Variants in UTP20 observed in about 807,000 individuals in gnomAD.
UTP20 encodes small subunit processome component 20 homolog.
A neutral mutation model predicts 329.5 loss-of-function variants in UTP20; 164 were observed. The ratio of observed to expected loss-of-function variants is 0.50; its 90% CI spans 0.44 to 0.57. The LOEUF (loss-of-function observed/expected upper bound fraction) is 0.57, where lower values mean the gene tolerates loss of function less well. Among genes scored for constraint, UTP20 ranks in the 20% least tolerant of loss-of-function variants. UTP20 has a pLI of 0.00. For synonymous variants in UTP20, 1,151 were observed against 1,159.3 expected, an observed-to-expected ratio of 0.99 and a Z score of 0.14; for missense variants, 3,055 against 3,284.2, an observed-to-expected ratio of 0.93 and a Z score of 1.71.
intron 43 of UTP20, among the ~76,000 whole-genome samples, chr12:101,360,725 AGGCTG>A (rs1425418788): frequency 6.6e-6 from 1 of 152,176 alleles, no homozygotes; most frequent in Non-Finnish European, 1.5e-5. Flanking sequence ...GCTACTCGGG[AGGCTG>A]AGGCATAAGA....
At chr12:101,355,566 G>A (rs1302168056) in intron 41 of UTP20, among the ~76,000 whole-genome samples, 2 of 152,086 alleles carry the variant, frequency 1.3e-5, no homozygotes, top group East Asian at 3.9e-4. Flanking sequence ...TATGGCTCAG[G>A]GACTAAATCT....
At position 101,354,788 on chromosome 12, in the gene UTP20, T is replaced by G; in HGVS notation, c.5108-44T>G. On this transcript the variant is annotated intron_variant, in intron 40 of 61. Transcript: ENST00000261637. ...AACTGCTTACCACAACTGTGTGGTT[T>G]CATTATTTGCTTTAAGGTGACTTTT... 12 of 1,577,622 alleles carry G rather than the reference T, an allele frequency of 7.6e-6. No individual in the cohort carries two copies. The South Asian group carries it at 1.4e-4, about 19-fold the overall frequency.
intron 10 of UTP20, 73 bp downstream of exon 10, chr12:101,292,177 C>T: frequency 1.3e-6 from 2 of 1,495,584 alleles, no homozygotes; most frequent in Non-Finnish European, 1.8e-6. Flanking sequence ...CTGAGGAATA[C>T]AAGTGAAGTG....
At chr12:101,374,092 G>A (rs528495822) in intron 54 of UTP20, among the ~76,000 whole-genome samples, 8 of 151,554 alleles carry the variant, frequency 5.3e-5, no homozygotes, top group South Asian at 4.2e-4. Flanking sequence ...AAAATTAGCC[G>A]GGCGTAGTGG....
In UTP20 at chr12:101,370,501, GCCTATGCT is replaced by G; in HGVS notation, c.6626_6633del (p.Ala2209GlyfsTer6). The stretch of plus-strand genomic sequence containing the variant: ...TGAAAAACAGCTCCAAGTTCTACTG[GCCTATGCT>G]GAGGAGGACATTTATGATACTTCAA... On this transcript the variant is annotated frameshift_variant, in exon 50 of 62. Coordinates refer to ENST00000261637, the MANE Select transcript of UTP20 (RefSeq NM_014503.3). LOFTEE classifies it high-confidence loss of function. The G allele has an allele frequency of 6.2e-7, 1 of 1,614,058 alleles. No homozygotes were observed. Among genetic ancestry groups the G allele is most frequent in the East Asian group, 2.2e-5 (1 of 44,888 alleles).
In UTP20 at chr12:101,372,724, G is replaced by A. The variant is rs1050941288; in HGVS notation, c.6799-160G>A. On this transcript the variant is annotated intron_variant, in intron 51 of 61. Transcript: ENST00000261637. ...GAAATGAAGGGTCACAGTTGCTATT[G>A]ACTTCATAGGCAGATTTAGCTGGAG... Among the ~76,000 whole-genome samples, 7 of 152,350 alleles carry A rather than the reference G, an allele frequency of 4.6e-5. No individual in the cohort carries two copies. The South Asian group carries it at 1.5e-3, about 32-fold the overall frequency.
In UTP20 at chr12:101,342,566, A is replaced by C; in HGVS notation, c.4222A>C (p.Lys1408Gln). Residue 1408 changes from lysine to glutamine, a missense_variant, in exon 33 of 62, where the codon AAA becomes CAA. Lys to Gln is a moderately conservative substitution (Grantham distance 53). Around this residue, in one of 3 missense-constraint regions of UTP20, gnomAD observed 2,445 missense variants for 2,575.5 expected, o/e 0.95. Coordinates refer to ENST00000261637, the MANE Select transcript of UTP20 (RefSeq NM_014503.3). ...FSVIKNKLSR[K>Q]LLCTVFETLS... ...AGTTATTAAGAACAAATTGTCAAGA[A>C]AATTGCTTTGTACGGTTTTTGAGGT... is the stretch of plus-strand genomic sequence containing the variant. 6.2e-7 allele frequency: 1 copy of C among 1,612,858 alleles called. No individual in the cohort carries two copies. Among genetic ancestry groups the C allele is most frequent in the South Asian group, 1.1e-5 (1 of 90,732 alleles).
chr12:101,342,961 A>G lies in UTP20; in HGVS notation c.4317A>G (p.Arg1439=). 1 of 1,613,460 alleles carries G rather than the reference A, an allele frequency of 6.2e-7. No individual in the cohort carries two copies. Among genetic ancestry groups the G allele is most frequent in the Admixed American group, 1.7e-5 (1 of 59,910 alleles). Residue 1439 remains arginine, a synonymous_variant, in exon 35 of 62, where the codon AGA becomes AGG. Coordinates refer to ENST00000261637, the MANE Select transcript of UTP20 (RefSeq NM_014503.3). ...DVVKLNAFDQ[R]HLDDINFDVR... Reference sequence around the variant, plus strand: ...TATAGCTTAACGCCTTCGATCAAAGACATCTTGATGATATCAACTTCGACG... The same window carrying G: ...TATAGCTTAACGCCTTCGATCAAAGGCATCTTGATGATATCAACTTCGACG...
At chr12:101,285,672 A>G in intron 3 of UTP20, 36 bp downstream of exon 3, 1 of 1,613,678 alleles carries the variant, frequency 6.2e-7, no homozygotes, top group African/African-American at 1.3e-5. Context: ...ATTCACCCAT[A>G]GTTTGCACTT....
chr12:101,378,002 G>C (rs1870531205), intron 56 of UTP20, among the ~76,000 whole-genome samples: 1 of 151,814 alleles, frequency 6.6e-6, no homozygotes, highest in African/African-American at 2.4e-5. Context: ...CTTGCAGATT[G>C]CTTAAGCTCA....
intron 8 of UTP20, 198 bp from the exon 9 acceptor site, chr12:101,291,540 CAAAA>C (rs34248827): frequency 1.4e-3 from 110 of 77,132 alleles, no homozygotes; most frequent in Middle Eastern, 8.4e-3. Context: ...AACTCCATCT[CAAAA>C]AAAAAAAAAA....
At chr12:101,291,030 C>T (rs1311467699) in intron 8 of UTP20, 142 bp downstream of exon 8, 5 of 803,552 alleles carry the variant, frequency 6.2e-6, no homozygotes, top group Non-Finnish European at 8.8e-6. Context: ...TAAAATTTTC[C>T]TTCCCTCTGC....
rs773309905 is a variant in UTP20, at chr12:101,383,324, T to G, written c.7929+11T>G. On this transcript the variant is annotated intron_variant, in intron 59 of 61. Transcript: ENST00000261637. ...AGAAACCCCTTAAAGGTGCGATGAATGCACAGAATGACTGACAGTAGTCAT... is the reference window on the plus strand; with the variant it reads ...AGAAACCCCTTAAAGGTGCGATGAAGGCACAGAATGACTGACAGTAGTCAT... 1.2e-6 allele frequency: 2 copies of G among 1,608,850 alleles called. No individual in the cohort carries two copies. The highest frequency in any genetic ancestry group is 1.7e-6 in the Non-Finnish European group (2 of 1,177,024).
At chr12:101,325,207 T>C (rs1328217224) in intron 25 of UTP20, among the ~76,000 whole-genome samples, 1 of 152,204 alleles carries the variant, frequency 6.6e-6, no homozygotes, top group African/African-American at 2.4e-5. Flanking sequence ...TATAACCATA[T>C]TTCTTCCTGT....
chr12:101,280,310 A>G lies in UTP20; in HGVS notation c.28A>G (p.Thr10Ala), dbSNP rs1593413354. The change falls in exon 1 of 62, where the codon ACC becomes GCC. Residue 10 changes from threonine to alanine, a missense_variant. Transcript: ENST00000261637. ...GAAGACAAAGCCCGTTTCCCACAAGACCGAGAACACCTACCGGGTGAGCGC... is the reference window on the plus strand; with the variant it reads ...GAAGACAAAGCCCGTTTCCCACAAGGCCGAGAACACCTACCGGGTGAGCGC... MKTKPVSHK[T>A]ENTYRFLTFA... The G allele has an allele frequency of 1.3e-6, 2 of 1,551,626 alleles. No individual in the cohort carries two copies. Among genetic ancestry groups the G allele is most frequent in the South Asian group, 1.2e-5 (1 of 84,052 alleles).
chr12:101,290,942 G>A, intron 8 of UTP20, 54 bp downstream of exon 8: 1 of 1,550,258 alleles, frequency 6.5e-7, no homozygotes, highest in South Asian at 1.2e-5. Context: ...AGAATTTACT[G>A]TTTCTGCTCT....
chr12:101,282,206 T>C (rs551488120), intron 2 of UTP20, among the ~76,000 whole-genome samples: 2 of 152,192 alleles, frequency 1.3e-5, no homozygotes, highest in Non-Finnish European at 2.9e-5. Context: ...TGATGTCGTC[T>C]AGGTGAGCAC....
intron 15 of UTP20, among the ~76,000 whole-genome samples, chr12:101,304,697 C>T (rs1872608135): frequency 6.6e-6 from 1 of 152,298 alleles, no homozygotes; most frequent in Non-Finnish European, 1.5e-5. Context: ...TGCTGCTGAG[C>T]CCCCTGCAGT....
chr12:101,311,872 C>T (rs1872804239), intron 20 of UTP20, 74 bp downstream of exon 20: 1 of 1,558,310 alleles, frequency 6.4e-7, no homozygotes, highest in Admixed American at 2.0e-5. Context: ...TGCTTAATTA[C>T]TCACGAAATT....
Sources: allele counts gnomAD v4.1 joint callset (sites outside exome capture counted in the v4.1 genomes callset), GRCh38; gene constraint gnomAD v4.1.1; regional missense constraint gnomAD v4.1.1; transcripts MANE v1.5; gene names NCBI Gene and HGNC (gene_info 2026-07-23, HGNC 2026-07-21).